The following SPINK2 variants were observed in gnomAD, a reference collection of about 807,000 sequenced individuals.
The protein encoded by SPINK2 is serine protease inhibitor Kazal-type 2.
A neutral mutation model predicts 13.5 loss-of-function variants in SPINK2; 8 were observed. The ratio of observed to expected loss-of-function variants is 0.59; its 90% CI spans 0.35 to 1.07. The LOEUF (loss-of-function observed/expected upper bound fraction) is 1.07, where lower values mean the gene tolerates loss of function less well. Ranked by LOEUF, SPINK2 falls within the 50% of genes least tolerant of loss-of-function variation. The pLI is 0.02. For missense variants in SPINK2, 148 were observed against 180.3 expected (o/e 0.82, Z 1.03); for synonymous variants, 76 against 74.7 (o/e 1.02, Z -0.09).
intron 2 of SPINK2, among the ~76,000 whole-genome samples, chr4:56,812,744 T>C (rs1320580379): frequency 6.6e-6 from 1 of 152,226 alleles, no homozygotes; most frequent in Middle Eastern, 3.4e-3. Flanking sequence ...CTTGCCTTAA[T>C]GCCAAGACAA....
At chr4:56,815,793 C>T (rs568762927) in intron 2 of SPINK2, among the ~76,000 whole-genome samples, 2 of 147,798 alleles carry the variant, frequency 1.4e-5, no homozygotes, top group Admixed American at 6.7e-5. Context: ...CACACACACA[C>T]ACACAAAACT....
At chr4:56,814,280 C>A (rs1364005603) in intron 2 of SPINK2, among the ~76,000 whole-genome samples, 1 of 151,980 alleles carries the variant, frequency 6.6e-6, no homozygotes, top group African/African-American at 2.4e-5. Context: ...TCTGCCCACC[C>A]CACCCCATTC....
intron 2 of SPINK2, chr4:56,818,247 A>T (rs368374458): frequency 6.6e-6 from 1 of 152,340 alleles, no homozygotes; most frequent in South Asian, 2.1e-4. Flanking sequence ...GCAGTGGAAT[A>T]GAAAAGGAAC....
At chr4:56,817,202 A>T (rs1560416235) in intron 2 of SPINK2, among the ~76,000 whole-genome samples, 1 of 152,196 alleles carries the variant, frequency 6.6e-6, no homozygotes, top group African/African-American at 2.4e-5. Context: ...ACTCCATCTC[A>T]AAAAACAAAA....
chr4:56,810,406 A>C, intron 3 of SPINK2: 1 of 515,766 alleles, frequency 1.9e-6, no homozygotes, highest in South Asian at 2.4e-5. Flanking sequence ...ACTAACCCCA[A>C]AGAATCACTC....
intron 3 of SPINK2, 189 bp from the exon 4 acceptor site, chr4:56,810,373 T>C: frequency 1.7e-6 from 1 of 593,706 alleles, no homozygotes; most frequent in South Asian, 2.2e-5. Context: ...GTCATTTTTT[T>C]CCCTAACGCT....
chr4:56,814,884 C>T (rs1717302617), intron 2 of SPINK2, among the ~76,000 whole-genome samples: 1 of 151,162 alleles, frequency 6.6e-6, no homozygotes, highest in African/African-American at 2.4e-5. Context: ...TGGCGTGAAC[C>T]CAGGAGGCAC....
Position 56,820,558 on chromosome 4 carries a change from C to A in SPINK2, c.227G>T (p.Gly76Val). 6.2e-7 allele frequency: 1 copy of A among 1,610,532 alleles called. No individual in the cohort carries two copies. Among genetic ancestry groups the A allele is most frequent in the Non-Finnish European group, 8.5e-7 (1 of 1,177,604 alleles). The stretch of plus-strand genomic sequence containing the variant: ...TACCGTTCTATATTTTGAAAACAGA[C>A]CAAATTGAGGGATCAGAGAGGCTGT... ...DLPASLIPQF[G>V]LFSKYRTPNC... Residue 76 changes from glycine to valine, a missense_variant, in exon 2 of 4, where the codon GGT (glycine) becomes GTT (valine). Transcript: ENST00000506738.
Position 56,809,983 on chromosome 4 carries a change from C to T in SPINK2, c.*156G>A. ...TTCTTTTTTTCTTTAAATTATCCATCACTACACATGGCTGTCTTCCATACC... is the reference window on the plus strand; with the variant it reads ...TTCTTTTTTTCTTTAAATTATCCATTACTACACATGGCTGTCTTCCATACC... On this transcript the variant is annotated 3_prime_UTR_variant, in exon 4 of 4. Transcript: ENST00000506738. The T allele has an allele frequency of 1.3e-6, 2 of 1,493,018 alleles. No individual in the cohort carries two copies. The highest frequency in any genetic ancestry group is 2.9e-5 in the African/African-American group (2 of 69,136). The allele number at this position is 1,493,018 out of a possible 1,614,324, so 92.5% of individuals were successfully genotyped here. A position where few individuals can be genotyped will look rare whatever the true frequency, so the allele number is the denominator to read the frequency against.
chr4:56,817,612 A>G (rs1717562600), intron 2 of SPINK2, among the ~76,000 whole-genome samples: 1 of 129,324 alleles, frequency 7.7e-6, no homozygotes, highest in Admixed American at 8.2e-5. Context: ...GCACTTTGGG[A>G]GGCCGAGGCG....
intron 1 of SPINK2, chr4:56,821,218 T>C (rs1717907605): frequency 1.3e-6 from 1 of 750,664 alleles, no homozygotes; most frequent in Non-Finnish European, 1.6e-6. Context: ...TCCAGTGTGG[T>C]TGGACTAAAG....
At chr4:56,810,229 C>T in intron 3 of SPINK2, 45 bp from the exon 4 acceptor site, 3 of 1,504,652 alleles carry the variant, frequency 2.0e-6, no homozygotes, top group Non-Finnish European at 2.7e-6. Flanking sequence ...ACCTACCATA[C>T]TGAAACTGTC....
At chr4:56,818,131 A>G (rs1481275009) in intron 2 of SPINK2, 3 of 152,218 alleles carry the variant, frequency 2.0e-5, no homozygotes, top group African/African-American at 4.8e-5. Flanking sequence ...TAGGTAAGAG[A>G]TAATGGGCGT....
At chr4:56,819,296 G>A (rs1308536100) in intron 2 of SPINK2, among the ~76,000 whole-genome samples, 1 of 152,168 alleles carries the variant, frequency 6.6e-6, no homozygotes, top group Non-Finnish European at 1.5e-5. Context: ...AGCCTACTCT[G>A]AGCTGAATGC....
At chr4:56,819,339 T>C (rs1362594722) in intron 2 of SPINK2, among the ~76,000 whole-genome samples, 2 of 152,198 alleles carry the variant, frequency 1.3e-5, no homozygotes, top group African/African-American at 4.8e-5. Flanking sequence ...AATATCCTCA[T>C]ATGTCAAATA....
At chr4:56,811,332 G>T (rs1032857160) in intron 3 of SPINK2, among the ~76,000 whole-genome samples, 1 of 152,090 alleles carries the variant, frequency 6.6e-6, no homozygotes, top group Non-Finnish European at 1.5e-5. Context: ...CAAAAGAAAT[G>T]AAGAGGTCAG....
rs1232634930 is a variant in SPINK2 at position 56,821,457 on chromosome 4, C to T, written c.205+1G>A. On this transcript the variant is annotated splice_donor_variant, in intron 1 of 3. Coordinates refer to ENST00000506738, the MANE Select transcript of SPINK2 (RefSeq NM_001271718.2). LOFTEE classifies it high-confidence loss of function. ...ACAACCCCCAGTTCGCGTTCCTCCA[C>T]CTGGCAGGTCCTCTGGGGAACCGCC... The T allele has an allele frequency of 1.3e-5, 19 of 1,516,828 alleles. No homozygotes were observed. The highest frequency in any genetic ancestry group is 2.1e-5 in the Admixed American group (1 of 48,274). The allele number at this position is 1,516,828 out of a possible 1,614,324, so 94.0% of individuals were successfully genotyped here. A position where few individuals can be genotyped will look rare whatever the true frequency, so the allele number is the denominator to read the frequency against.
upstream of SPINK2, chr4:56,821,746 A>AGGGCGGGGAAAGGGGCGGGGGGAG (rs141973778): frequency 1.6e-6 from 2 of 1,239,268 alleles, no homozygotes; most frequent in Admixed American, 3.9e-5. Context: ...GGGCGCGGGG[A>AGGGCGGGGAAAGGGGCGGGGGGAG]GGGCGGGGGA....
chr4:56,812,469 C>T (rs940413645), intron 2 of SPINK2, among the ~76,000 whole-genome samples: 2 of 144,750 alleles, frequency 1.4e-5, no homozygotes, highest in African/African-American at 2.6e-5. Context: ...GCAGGAGAAT[C>T]GAATGAACCT....
Sources: gnomAD v4.1 joint callset for allele counts (sites outside exome capture counted in the v4.1 genomes callset) on GRCh38, gnomAD v4.1.1 for gene constraint, MANE v1.5 for transcripts, NCBI Gene and HGNC (gene_info 2026-07-23, HGNC 2026-07-21) for gene names.